Variants in NRXN3 observed in about 807,000 individuals in gnomAD.
The protein encoded by NRXN3 is neurexin 3, also known as neurexin III.
NRXN3 carries 32 observed loss-of-function variants against 137.6 expected under a neutral mutation model. That is an observed-to-expected ratio of 0.23 (90% confidence interval 0.18 to 0.31). NRXN3 has a LOEUF of 0.31. NRXN3 is among the 10% of genes least tolerant of loss of function. The probability of loss-of-function intolerance (pLI) is 1.00; values close to 1 mark genes in which losing one functional copy is unlikely to be tolerated. For synonymous variants in NRXN3, 798 were observed against 784.5 expected, an observed-to-expected ratio of 1.02 and a Z score of -0.29; for missense variants, 1,574 against 2,062.5, an observed-to-expected ratio of 0.76 and a Z score of 4.59.
intron 15 of NRXN3, among the ~76,000 whole-genome samples, chr14:79,082,727 A>G (rs2047309674): frequency 6.6e-6 from 1 of 152,172 alleles, no homozygotes; most frequent in South Asian, 2.1e-4. Context: ...AGGCATGAAT[A>G]CTGGAAATCT....
chr14:79,202,425 C>T (rs1013811100), intron 15 of NRXN3, among the ~76,000 whole-genome samples: 4 of 151,896 alleles, frequency 2.6e-5, no homozygotes, highest in Admixed American at 2.6e-4. Flanking sequence ...AGGTGGCATT[C>T]GGTTACATGA....
intron 16 of NRXN3, among the ~76,000 whole-genome samples, chr14:79,504,636 GT>G (rs58575048): frequency 1.2e-5 from 1 of 84,788 alleles, no homozygotes; most frequent in African/African-American, 7.0e-5. Flanking sequence ...ATAAAATGAA[GT>G]TTTTTATATA....
chr14:79,583,646 T>G (rs2097738218), intron 16 of NRXN3, among the ~76,000 whole-genome samples: 2 of 152,182 alleles, frequency 1.3e-5, no homozygotes. Flanking sequence ...CTCCAGAAAA[T>G]GACCATGCAG....
intron 15 of NRXN3, among the ~76,000 whole-genome samples, chr14:78,989,691 T>C (rs897171121): frequency 2.6e-5 from 4 of 152,194 alleles, no homozygotes; most frequent in Non-Finnish European, 5.9e-5. Flanking sequence ...TCTTTCTTTT[T>C]CCTCCAATTT....
intron 15 of NRXN3, among the ~76,000 whole-genome samples, chr14:79,236,702 A>C (rs912365312): frequency 9.9e-5 from 15 of 151,872 alleles, no homozygotes; most frequent in Admixed American, 2.0e-4. Context: ...ACTTGAACTC[A>C]AGAGTTGGAG....
intron 15 of NRXN3, among the ~76,000 whole-genome samples, chr14:79,064,258 G>T (rs1313110910): frequency 6.6e-6 from 1 of 152,132 alleles, no homozygotes; most frequent in East Asian, 1.9e-4. Flanking sequence ...CCAGCAGAAA[G>T]GTAGAGTGGA....
At chr14:79,324,905 A>T (rs542100189) in intron 15 of NRXN3, among the ~76,000 whole-genome samples, 69 of 152,314 alleles carry the variant, frequency 4.5e-4, no homozygotes, top group Non-Finnish European at 9.0e-4. Flanking sequence ...TGAAAAAAGA[A>T]AACAGCCCTG....
intron 15 of NRXN3, among the ~76,000 whole-genome samples, chr14:79,363,655 C>A (rs192619714): frequency 1.9e-4 from 29 of 151,518 alleles, no homozygotes; most frequent in African/African-American, 5.3e-4. Context: ...CAAATTAGTC[C>A]TTTACAATTA....
chr14:79,733,212 GTGTT>G (rs574883343), intron 19 of NRXN3, among the ~76,000 whole-genome samples: 16 of 152,288 alleles, frequency 1.1e-4, no homozygotes, highest in African/African-American at 2.4e-4. Flanking sequence ...TTAAAAAAAT[GTGTT>G]TGTTTTAAAT....
At chr14:78,816,345 A>G (rs1248059356) in intron 10 of NRXN3, among the ~76,000 whole-genome samples, 3 of 152,272 alleles carry the variant, frequency 2.0e-5, no homozygotes, top group Admixed American at 1.3e-4. Context: ...GCCTATGAGT[A>G]TACAACATAT....
At chr14:78,840,193 A>G (rs1224636071) in intron 10 of NRXN3, among the ~76,000 whole-genome samples, 1 of 152,196 alleles carries the variant, frequency 6.6e-6, no homozygotes, top group Non-Finnish European at 1.5e-5. Flanking sequence ...AGATGGTTTT[A>G]TGATCATCAC....
chr14:79,118,769 T>C (rs61459007), intron 15 of NRXN3, among the ~76,000 whole-genome samples: 150,462 of 152,302 alleles, frequency 0.99, 74,346 homozygotes, highest in Middle Eastern at 1. Context: ...AAACCTTTTT[T>C]AGCACCCAAA....
intron 15 of NRXN3, among the ~76,000 whole-genome samples, chr14:79,115,257 G>A (rs991753744): frequency 4.0e-5 from 6 of 151,224 alleles, no homozygotes; most frequent in South Asian, 4.2e-4. Flanking sequence ...CCTGGGAGAC[G>A]GAGGCTGCGG....
chr14:78,811,336 C>T (rs1002110212), intron 10 of NRXN3, among the ~76,000 whole-genome samples: 16 of 152,094 alleles, frequency 1.1e-4, no homozygotes, highest in African/African-American at 1.9e-4. Context: ...TCCACCACCT[C>T]GGAGTTCTTT....
In NRXN3 at chr14:79,538,250, C is replaced by A. The variant is rs536352163; in HGVS notation, c.3444+70848C>A. On this transcript the variant is annotated intron_variant, in intron 16 of 20. Coordinates refer to ENST00000335750, the MANE Select transcript of NRXN3 (RefSeq NM_001330195.2). Reference sequence around the variant, plus strand: ...TCTCCCATTTTGTAGGTTGCTTGTTCACTCTGATGGTAGTTTCTTTTGCTG... The same window carrying A: ...TCTCCCATTTTGTAGGTTGCTTGTTAACTCTGATGGTAGTTTCTTTTGCTG... 2.0e-5 allele frequency among the ~76,000 whole-genome samples: 3 copies of A among 152,244 alleles called. No individual in the cohort carries two copies. In the South Asian group the frequency reaches 6.2e-4, roughly 32 times the overall value.
chr14:79,849,478 A>G lies in NRXN3; in HGVS notation c.4094-11864A>G, dbSNP rs187175614. Among the ~76,000 whole-genome samples the G allele has an allele frequency of 1.4e-3, 209 of 152,314 alleles. 2 individuals are homozygous for G. Among genetic ancestry groups the G allele is most frequent in the Admixed American group, 3.4e-3 (52 of 15,292 alleles). ...AATAGACATTCCTCTAAAGGAGACA[A>G]AAGTGGCCAACATGTATGTGAAAAG... On this transcript the variant is annotated intron_variant, in intron 20 of 20. Transcript: ENST00000335750.
intron 16 of NRXN3, among the ~76,000 whole-genome samples, chr14:79,636,431 C>G (rs762326845): frequency 1.3e-5 from 2 of 152,052 alleles, no homozygotes; most frequent in Non-Finnish European, 2.9e-5. Flanking sequence ...TTCAGCACAT[C>G]ACACTCTGGC....
At chr14:79,204,604 C>T (rs2066528730) in intron 15 of NRXN3, among the ~76,000 whole-genome samples, 2 of 152,102 alleles carry the variant, frequency 1.3e-5, no homozygotes, top group South Asian at 4.1e-4. Flanking sequence ...TCTGAATATG[C>T]TCATTTTCAT....
At chr14:78,657,488 T>G (rs551544493) in intron 6 of NRXN3, among the ~76,000 whole-genome samples, 1 of 152,298 alleles carries the variant, frequency 6.6e-6, no homozygotes, top group African/African-American at 2.4e-5. Context: ...CTCTCTTTTC[T>G]CATGGCATCT....
Sources: allele counts gnomAD v4.1 joint callset (sites outside exome capture counted in the v4.1 genomes callset), GRCh38; gene constraint gnomAD v4.1.1; transcripts MANE v1.5; gene names NCBI Gene and HGNC (gene_info 2026-07-23, HGNC 2026-07-21).